Variants in SLIT3 observed in about 807,000 individuals in gnomAD.
The protein encoded by SLIT3 is slit homolog 3 protein.
In SLIT3, 68 loss-of-function variants were observed where a neutral mutation model predicts 184.0. That is an observed-to-expected ratio of 0.37 (90% CI 0.30 to 0.45). The LOEUF (loss-of-function observed/expected upper bound fraction) is 0.45, where lower values mean the gene tolerates loss of function less well. SLIT3 is among the 20% of genes least tolerant of loss of function. The pLI is 1.00. For synonymous variants in SLIT3, 831 were observed against 828.6 expected (o/e 1.00, Z -0.05); for missense variants, 1,707 against 2,026.0 (o/e 0.84, Z 3.02).
intron 4 of SLIT3, among the ~76,000 whole-genome samples, chr5:169,037,456 G>C (rs1561623600): frequency 6.6e-6 from 1 of 152,172 alleles, no homozygotes; most frequent in Non-Finnish European, 1.5e-5. Context: ...GTGGGAGTCA[G>C]GTTCTTTGCC....
Position 168,795,520 on chromosome 5 carries a change from T to G in SLIT3, c.994A>C (p.Lys332Gln). The change falls in exon 10 of 36, where the codon AAA becomes CAA. Residue 332 changes from lysine to glutamine, a missense_variant. Lys to Gln is a moderately conservative substitution (Grantham distance 53). Coordinates refer to ENST00000519560, the MANE Select transcript of SLIT3 (RefSeq NM_003062.4). ...GGGGAAACTCACATTCGCTTCAGTT[T>G]CTTGTACTGGGTGAAGGCTCCTGCA... The part of the protein sequence containing the change: ...IPAGAFTQYK[K>Q]LKRIDISKNQ... 1 of 1,613,564 alleles carries G rather than the reference T, an allele frequency of 6.2e-7. No homozygotes were observed.
intron 4 of SLIT3, among the ~76,000 whole-genome samples, chr5:169,164,296 C>A (rs12515725): frequency 4.6e-5 from 7 of 152,064 alleles, no homozygotes; most frequent in African/African-American, 1.7e-4. Flanking sequence ...ATTCAATTCC[C>A]TCGGAGAAAG....
intron 4 of SLIT3, among the ~76,000 whole-genome samples, chr5:169,073,856 C>T (rs1413038401): frequency 6.6e-6 from 1 of 152,092 alleles, no homozygotes; most frequent in Non-Finnish European, 1.5e-5. Flanking sequence ...GAACTGTGCA[C>T]AAAAATAAAC....
rs56914048 is a variant in SLIT3, at chr5:169,266,868, C to T, written c.198-15409G>A. 3.2e-3 allele frequency among the ~76,000 whole-genome samples: 480 copies of T among 152,276 alleles called. 3 individuals are homozygous for T. Among genetic ancestry groups the T allele is most frequent in the Middle Eastern group, 0.01 (3 of 294 alleles). On this transcript the variant is annotated intron_variant, in intron 1 of 35. Transcript: ENST00000519560. ...TAAAAGGAGGAAAATAAACTGATCC[C>T]CTAGGGTCACAATAATTCTCACTGG...
intron 16 of SLIT3, among the ~76,000 whole-genome samples, chr5:168,755,296 A>G (rs11953367): frequency 0.098 from 14,913 of 151,736 alleles, 2,502 homozygotes; most frequent in African/African-American, 0.35. Flanking sequence ...TATTCCTTTG[A>G]CTATGTGGAT....
chr5:168,733,764 C>G (rs76924094), intron 20 of SLIT3, among the ~76,000 whole-genome samples: 4,134 of 149,824 alleles, frequency 0.028, 190 homozygotes, highest in African/African-American at 0.094. Context: ...CCTGTACATT[C>G]ACACATCTAT....
intron 4 of SLIT3, among the ~76,000 whole-genome samples, chr5:169,043,945 A>G (rs1450925053): frequency 1.3e-5 from 2 of 152,240 alleles, no homozygotes; most frequent in African/African-American, 4.8e-5. Context: ...AACATGTTAA[A>G]AACTGTTCAT....
intron 4 of SLIT3, among the ~76,000 whole-genome samples, chr5:168,914,121 A>G (rs946022526): frequency 5.9e-5 from 9 of 152,226 alleles, no homozygotes; most frequent in African/African-American, 1.7e-4. Flanking sequence ...GAGAACAGTG[A>G]ACTTCAAGGT....
intron 35 of SLIT3, among the ~76,000 whole-genome samples, chr5:168,669,312 C>A (rs141653349): frequency 6.6e-6 from 1 of 152,212 alleles, no homozygotes; most frequent in Non-Finnish European, 1.5e-5. Context: ...GCTGCCCTGG[C>A]GCAAGGACCC....
intron 4 of SLIT3, among the ~76,000 whole-genome samples, chr5:169,001,237 G>A (rs1261670221): frequency 2.0e-5 from 3 of 152,060 alleles, no homozygotes; most frequent in East Asian, 1.9e-4. Flanking sequence ...CCAGCTCATC[G>A]CCACTGTCCG....
At chr5:169,249,903 T>C (rs1340822218) in intron 2 of SLIT3, among the ~76,000 whole-genome samples, 2 of 152,224 alleles carry the variant, frequency 1.3e-5, no homozygotes, top group South Asian at 2.1e-4. Context: ...GTGGAGAGCA[T>C]CTGCAAGCTG....
At chr5:169,093,581 C>A (rs1215490564) in intron 4 of SLIT3, among the ~76,000 whole-genome samples, 1 of 152,182 alleles carries the variant, frequency 6.6e-6, no homozygotes, top group Non-Finnish European at 1.5e-5. Context: ...TCCTTACAAC[C>A]CTTCCTGCCC....
intron 20 of SLIT3, among the ~76,000 whole-genome samples, chr5:168,741,099 T>A (rs1362684316): frequency 6.6e-6 from 1 of 152,110 alleles, no homozygotes; most frequent in Non-Finnish European, 1.5e-5. Flanking sequence ...AGACCTCCCT[T>A]CCTTCCCCTG....
At chr5:169,147,407 T>C (rs1761961193) in intron 4 of SLIT3, among the ~76,000 whole-genome samples, 1 of 152,190 alleles carries the variant, frequency 6.6e-6, no homozygotes, top group Admixed American at 6.5e-5. Flanking sequence ...CAGCTGTGAC[T>C]ATGGGCACGT....
In SLIT3 at chr5:168,891,760, GT is replaced by G. The variant is rs151057311; in HGVS notation, c.414-8425del. Reference sequence around the variant, plus strand: ...GCTACAGATGGAGTTGAGATTATAGGTTTGCTCTGTGACTAGTTACCAATAC... The same window carrying G: ...GCTACAGATGGAGTTGAGATTATAGGTTGCTCTGTGACTAGTTACCAATAC... On this transcript the variant is annotated intron_variant, in intron 4 of 35. Coordinates refer to ENST00000519560, the MANE Select transcript of SLIT3 (RefSeq NM_003062.4). Among the ~76,000 whole-genome samples the G allele has an allele frequency of 5.3e-3, 800 of 152,308 alleles. 5 individuals carry two copies. Among genetic ancestry groups the G allele is most frequent in the African/African-American group, 0.019 (784 of 41,558 alleles).
intron 4 of SLIT3, among the ~76,000 whole-genome samples, chr5:169,181,296 G>A (rs12163927): frequency 0.11 from 16,914 of 152,186 alleles, 1,905 homozygotes; most frequent in African/African-American, 0.27. Context: ...GTGTGTGTGC[G>A]TGGTACGTTA....
chr5:168,983,383 T>C (rs1755016014), intron 4 of SLIT3, among the ~76,000 whole-genome samples: 1 of 152,236 alleles, frequency 6.6e-6, no homozygotes, highest in African/African-American at 2.4e-5. Flanking sequence ...GCTACAGTTT[T>C]CTTCACCTAA....
chr5:169,043,320 T>C (rs1247681416), intron 4 of SLIT3, among the ~76,000 whole-genome samples: 1 of 152,250 alleles, frequency 6.6e-6, no homozygotes, highest in Admixed American at 6.5e-5. Flanking sequence ...AGACACATTA[T>C]AGTTTAAATT....
intron 4 of SLIT3, among the ~76,000 whole-genome samples, chr5:168,972,669 C>A (rs897125683): frequency 6.6e-6 from 1 of 152,116 alleles, no homozygotes; most frequent in Non-Finnish European, 1.5e-5. Flanking sequence ...GGAATGAAAT[C>A]CTGATGAAGG....
Sources: allele counts gnomAD v4.1 joint callset (sites outside exome capture counted in the v4.1 genomes callset), GRCh38; gene constraint gnomAD v4.1.1; transcripts MANE v1.5; gene names NCBI Gene and HGNC (gene_info 2026-07-23, HGNC 2026-07-21).